The following DLGAP1 variants were observed in gnomAD, a reference collection of about 807,000 sequenced individuals.
The protein encoded by DLGAP1 is disks large-associated protein 1.
Under a neutral mutation model 90.8 loss-of-function variants are expected in DLGAP1, and 11 were observed. The ratio of observed to expected loss-of-function variants is 0.12; its 90% CI spans 0.08 to 0.20. The LOEUF is 0.20. DLGAP1 is among the 10% of genes least tolerant of loss of function. DLGAP1 has a pLI of 1.00. For missense variants in DLGAP1, 1,050 were observed against 1,333.8 expected, an observed-to-expected ratio of 0.79 and a Z score of 3.31; for synonymous variants, 558 against 540.7, an observed-to-expected ratio of 1.03 and a Z score of -0.44.
At chr18:3,908,355 C>T (rs142591133) in intron 3 of DLGAP1, among the ~76,000 whole-genome samples, 98 of 152,282 alleles carry the variant, frequency 6.4e-4, no homozygotes, top group Non-Finnish European at 1.2e-3. Flanking sequence ...AGTATGCACT[C>T]ATAGTTTAAT....
intron 1 of DLGAP1, among the ~76,000 whole-genome samples, chr18:4,331,660 G>T (rs7227514): frequency 6.6e-5 from 10 of 151,142 alleles, no homozygotes; most frequent in African/African-American, 2.4e-4. Context: ...GATGACTGGC[G>T]CCCTGCTTCC....
At chr18:4,086,282 C>T (rs1270314387) in intron 2 of DLGAP1, among the ~76,000 whole-genome samples, 6 of 152,150 alleles carry the variant, frequency 3.9e-5, no homozygotes, top group Non-Finnish European at 1.5e-5. Context: ...CATTCAATTG[C>T]TCCCCTCGTC....
chr18:3,657,402 C>T (rs551137875), intron 7 of DLGAP1, among the ~76,000 whole-genome samples: 1 of 152,278 alleles, frequency 6.6e-6, no homozygotes, highest in East Asian at 1.9e-4. Context: ...TGAATTTCAT[C>T]TTTCCTGCAT....
intron 7 of DLGAP1, among the ~76,000 whole-genome samples, chr18:3,685,320 G>T (rs2060657882): frequency 6.6e-6 from 1 of 152,104 alleles, no homozygotes; most frequent in Admixed American, 6.6e-5. Context: ...CCAGCACTTT[G>T]GGAGGCCAAG....
At chr18:3,930,911 G>A (rs920938297) in intron 3 of DLGAP1, among the ~76,000 whole-genome samples, 3 of 152,226 alleles carry the variant, frequency 2.0e-5, no homozygotes, top group Non-Finnish European at 2.9e-5. Context: ...CTACCCTGTT[G>A]CCATGGTTAC....
intron 1 of DLGAP1, chr18:4,280,837 T>C (rs140785768): frequency 3.9e-5 from 6 of 152,346 alleles, no homozygotes; most frequent in Admixed American, 1.3e-4. Flanking sequence ...TGTGAAATAC[T>C]TGATGACTGA....
At chr18:4,257,954 TACA>T (rs898713844) in intron 1 of DLGAP1, among the ~76,000 whole-genome samples, 15 of 149,486 alleles carry the variant, frequency 1.0e-4, no homozygotes, top group African/African-American at 3.7e-4. Flanking sequence ...CGTTATGGAT[TACA>T]ACAAGAGTTA....
intron 1 of DLGAP1, among the ~76,000 whole-genome samples, chr18:4,193,733 G>A (rs1433372295): frequency 1.3e-5 from 2 of 152,090 alleles, no homozygotes; most frequent in African/African-American, 2.4e-5. Flanking sequence ...AACTTGAGAA[G>A]GGAAATCCAG....
At chr18:3,868,023 G>T (rs907968192) in intron 4 of DLGAP1, among the ~76,000 whole-genome samples, 3 of 152,166 alleles carry the variant, frequency 2.0e-5, no homozygotes, top group Admixed American at 2.0e-4. Context: ...CTCACAGAAA[G>T]CTCTTGTTTC....
At chr18:4,287,718 C>G (rs1018937519) in intron 1 of DLGAP1, among the ~76,000 whole-genome samples, 10 of 151,886 alleles carry the variant, frequency 6.6e-5, no homozygotes, top group African/African-American at 2.4e-4. Context: ...AGCATTAGGA[C>G]AAATACCTAA....
rs145899242 is a variant in DLGAP1, at chr18:4,312,096, C to T, written c.-267+142910G>A. On this transcript the variant is annotated intron_variant, in intron 1 of 12. Transcript: ENST00000315677. ...AAACTCCTGGCCTCAAGTGATCTGCCCACCTTGGCCTTCCAAAGTGCTGGG... is the reference window on the plus strand; with the variant it reads ...AAACTCCTGGCCTCAAGTGATCTGCTCACCTTGGCCTTCCAAAGTGCTGGG... 2.6e-5 allele frequency among the ~76,000 whole-genome samples: 4 copies of T among 152,242 alleles called. No homozygotes were observed. The East Asian group carries it at 7.7e-4, about 29-fold the overall frequency.
Position 3,659,841 on chromosome 18 carries a change from C to G in DLGAP1, c.1591+69294G>C, listed in dbSNP as rs142031954. On this transcript the variant is annotated intron_variant, in intron 7 of 12. Coordinates refer to ENST00000315677, the MANE Select transcript of DLGAP1 (RefSeq NM_004746.4). ...GGCCTCCCAAAGTGCTGGGATTACACGCATGAGCCACCGCGCCCGGCCTAT... is the reference window on the plus strand; with the variant it reads ...GGCCTCCCAAAGTGCTGGGATTACAGGCATGAGCCACCGCGCCCGGCCTAT... Among the ~76,000 whole-genome samples, 1,474 of 152,212 alleles carry G rather than the reference C, an allele frequency of 9.7e-3. 26 individuals are homozygous for G. Among genetic ancestry groups the G allele is most frequent in the African/African-American group, 0.033 (1,375 of 41,548 alleles).
At position 3,718,490 on chromosome 18, in the gene DLGAP1, T is replaced by C. The variant is rs1175666449; in HGVS notation, c.1591+10645A>G. Among the ~76,000 whole-genome samples, 4 of 152,104 alleles carry C rather than the reference T, an allele frequency of 2.6e-5. No homozygotes were observed. The South Asian group carries it at 8.3e-4, about 32-fold the overall frequency. On this transcript the variant is annotated intron_variant, in intron 7 of 12. Coordinates refer to ENST00000315677, the MANE Select transcript of DLGAP1 (RefSeq NM_004746.4). ...TGTATTCAACAAGCAGATGATGTTATATGATGGAGATGAAACAGTGCCTGC... is the reference window on the plus strand; with the variant it reads ...TGTATTCAACAAGCAGATGATGTTACATGATGGAGATGAAACAGTGCCTGC...
intron 1 of DLGAP1, among the ~76,000 whole-genome samples, chr18:4,306,072 GA>G (rs1474066253): frequency 2.1e-5 from 3 of 140,058 alleles, no homozygotes; most frequent in Admixed American, 6.9e-5. Context: ...ACACGGGGGA[GA>G]GGGGGGCGGA....
chr18:3,504,210 G>GT (rs1363376300), intron 11 of DLGAP1, among the ~76,000 whole-genome samples: 5 of 151,978 alleles, frequency 3.3e-5, no homozygotes, highest in South Asian at 4.2e-4. Context: ...AGTTTATAAA[G>GT]TTTTTTTTAG....
At chr18:3,813,528 G>A (rs1337439500) in intron 5 of DLGAP1, among the ~76,000 whole-genome samples, 1 of 152,070 alleles carries the variant, frequency 6.6e-6, no homozygotes, top group Non-Finnish European at 1.5e-5. Context: ...GCCTTCAATT[G>A]TAATACATAT....
intron 1 of DLGAP1, among the ~76,000 whole-genome samples, chr18:4,232,898 G>A (rs1461072841): frequency 1.3e-5 from 2 of 152,104 alleles, no homozygotes; most frequent in Non-Finnish European, 2.9e-5. Flanking sequence ...CAGAAATCTT[G>A]TACACAGGTC....
intron 7 of DLGAP1, among the ~76,000 whole-genome samples, chr18:3,640,050 G>C (rs1042981108): frequency 6.6e-6 from 1 of 151,964 alleles, no homozygotes; most frequent in African/African-American, 2.4e-5. Flanking sequence ...CACGGCACCC[G>C]GCCCCAGAGT....
chr18:4,037,582 T>C (rs2074909441), intron 2 of DLGAP1, among the ~76,000 whole-genome samples: 1 of 152,252 alleles, frequency 6.6e-6, no homozygotes, highest in Non-Finnish European at 1.5e-5. Flanking sequence ...ATGCCTTTTC[T>C]CTTTTGGGGG....
Sources: gnomAD v4.1 joint callset for allele counts (sites outside exome capture counted in the v4.1 genomes callset) on GRCh38, gnomAD v4.1.1 for gene constraint, MANE v1.5 for transcripts, NCBI Gene and HGNC (gene_info 2026-07-23, HGNC 2026-07-21) for gene names.